The following SNX19 variants were observed in gnomAD, a reference collection of about 807,000 sequenced individuals.
SNX19 encodes sorting nexin 19, also known as sorting nexin-19.
A neutral mutation model predicts 85.2 loss-of-function variants in SNX19; 60 were observed. That is an observed-to-expected ratio of 0.70 (90% confidence interval 0.57 to 0.87). SNX19 has a LOEUF of 0.87. Among genes scored for constraint, SNX19 ranks in the 40% least tolerant of loss-of-function variants. SNX19 has a pLI of 0.00. For missense variants in SNX19, 1,201 were observed against 1,217.8 expected (o/e 0.99, Z 0.21); for synonymous variants, 520 against 470.0 (o/e 1.11, Z -1.38).
chr11:130,881,019 AC>A, intron 8 of SNX19: 1 of 377,874 alleles, frequency 2.6e-6, no homozygotes. Flanking sequence ...GAGACTTCTC[AC>A]CCCTTTTGCC....
chr11:130,910,480 T>A, intron 2 of SNX19, 110 bp from the exon 3 acceptor site: 3 of 816,014 alleles, frequency 3.7e-6, no homozygotes, highest in South Asian at 3.8e-5. Flanking sequence ...TTCCTTGGAT[T>A]AAAAAAAACA....
chr11:130,913,448 T>C (rs1213148328), intron 1 of SNX19, among the ~76,000 whole-genome samples: 1 of 152,208 alleles, frequency 6.6e-6, no homozygotes, highest in African/African-American at 2.4e-5. Context: ...TAATGTTACT[T>C]TCTAAAATGC....
At position 130,870,881 on chromosome 11, in the gene SNX19, G is replaced by A. The variant is rs566174476; in HGVS notation, c.*7541C>T. On this transcript the variant is annotated 3_prime_UTR_variant, in exon 11 of 11. Coordinates refer to ENST00000265909, the MANE Select transcript of SNX19 (RefSeq NM_014758.3). ...AAAAAAGATAAAAGATATGTTCGTT[G>A]CCCTTGAAGAATTATAGTCTCTTAC... is the stretch of plus-strand genomic sequence containing the variant. Among the ~76,000 whole-genome samples the A allele has an allele frequency of 1.3e-5, 2 of 152,106 alleles. No homozygotes were observed. The highest frequency in any genetic ancestry group is 4.1e-4 in the South Asian group (2 of 4,822).
At chr11:130,888,926 G>A (rs985773666) in intron 8 of SNX19, among the ~76,000 whole-genome samples, 1 of 151,978 alleles carries the variant, frequency 6.6e-6, no homozygotes, top group Non-Finnish European at 1.5e-5. Flanking sequence ...TTCTTGCTAG[G>A]CCATTTTCCT....
chr11:130,876,762 T>G lies in SNX19; in HGVS notation c.*1660A>C, dbSNP rs191641943. ...CGGAAAGTAGAGATGCTGAGCTACCTTTTCTTGTCAAAGTCTAGGGCTGGA... is the reference window on the plus strand; with the variant it reads ...CGGAAAGTAGAGATGCTGAGCTACCGTTTCTTGTCAAAGTCTAGGGCTGGA... On this transcript the variant is annotated 3_prime_UTR_variant, in exon 11 of 11. Transcript: ENST00000265909. The G allele has an allele frequency of 1.6e-4, 25 of 152,848 alleles. No homozygotes were observed. In the East Asian group the frequency reaches 4.8e-3, roughly 29 times the overall value. 9.5% of individuals were successfully genotyped at this position (152,848 alleles called of 1,614,324 possible). A position where few individuals can be genotyped will look rare whatever the true frequency, so the allele number is the denominator to read the frequency against.
In SNX19 at chr11:130,914,337, T is replaced by C. The variant is rs754633015; in HGVS notation, c.1603A>G (p.Ile535Val). The C allele has an allele frequency of 5.6e-5, 90 of 1,613,052 alleles. No individual in the cohort carries two copies. Among genetic ancestry groups the C allele is most frequent in the Non-Finnish European group, 7.5e-5 (89 of 1,179,542 alleles). ...TCTCGGGCTGTAATGGTGCCAGTGA[T>C]ACGAAGGTTCTGGATGATAACTGGA... ...DGPVIIQNLRITGTITAREHS... is the reference protein window; with the variant it reads ...DGPVIIQNLRVTGTITAREHS... The change falls in exon 1 of 11, where the codon ATC (isoleucine) becomes GTC (valine). Residue 535 changes from isoleucine (I) to valine (V), a missense_variant. This residue lies in a region of SNX19 where 791 missense variants were observed against 750.9 expected (regional missense o/e 1.05). Coordinates refer to ENST00000265909, the MANE Select transcript of SNX19 (RefSeq NM_014758.3).
At chr11:130,905,748 C>T (rs1230839548) in intron 7 of SNX19, 3 of 1,536,916 alleles carry the variant, frequency 2.0e-6, no homozygotes, top group African/African-American at 2.7e-5. Flanking sequence ...TGTTTGTGCC[C>T]TGTTCTGCTG....
At chr11:130,880,990 T>C in intron 8 of SNX19, 184 bp from the exon 9 acceptor site, 2 of 418,244 alleles carry the variant, frequency 4.8e-6, no homozygotes, top group Non-Finnish European at 8.5e-6. Context: ...GTAAATGCCC[T>C]TATAAAAGAA....
In SNX19 at chr11:130,867,725, C is replaced by T. The variant is rs1027495103; in HGVS notation, c.*10697G>A. On this transcript the variant is annotated 3_prime_UTR_variant, in exon 11 of 11. Transcript: ENST00000265909. ...AACATGGAGACCATCATCGTTGTTC[C>T]GGAATCTGGCCATGTGCTAAGAGAC... The T allele has an allele frequency of 9.2e-5, 14 of 152,122 alleles. No homozygotes were observed. The highest frequency in any genetic ancestry group is 4.1e-4 in the South Asian group (2 of 4,824). The allele number at this position is 152,122 out of a possible 1,614,324, so 9.4% of individuals were successfully genotyped here.
At chr11:130,884,521 C>A (rs1943907095) in intron 8 of SNX19, among the ~76,000 whole-genome samples, 1 of 152,086 alleles carries the variant, frequency 6.6e-6, no homozygotes, top group Admixed American at 6.5e-5. Context: ...TGACAGAAAT[C>A]TAAAGCTTCA....
At position 130,914,752 on chromosome 11, in the gene SNX19, G is replaced by C. The variant is rs1050081; in HGVS notation, c.1188C>G (p.Asp396Glu). The change falls in exon 1 of 11, where the codon GAC becomes GAG. Residue 396 changes from aspartate to glutamate, a missense_variant. Coordinates refer to ENST00000265909, the MANE Select transcript of SNX19 (RefSeq NM_014758.3). ...GGGCACACAGGGCATCCTGAATCCT[G>C]TCAGAGAGAAAGCTGCCTGGAGTCA... ...MLMTPGSFLS[D>E]RIQDALCALE... is the part of the protein sequence containing the mutation. 306,795 of 1,613,538 alleles carry C rather than the reference G, an allele frequency of 0.19. 30,647 individuals carry two copies. Among genetic ancestry groups the C allele is most frequent in the Middle Eastern group, 0.21 (1,252 of 6,058 alleles).
chr11:130,887,552 A>G (rs1032009069), intron 8 of SNX19, among the ~76,000 whole-genome samples: 10 of 152,222 alleles, frequency 6.6e-5, no homozygotes, highest in Non-Finnish European at 1.2e-4. Context: ...ATGTGACCTC[A>G]GGCAAGTGGC....
At chr11:130,909,157 G>A (rs11222385) in intron 4 of SNX19, among the ~76,000 whole-genome samples, 23,539 of 152,216 alleles carry the variant, frequency 0.15, 2,098 homozygotes, top group Middle Eastern at 0.24. Context: ...AACAGCAGCT[G>A]GTAGAGTGTC....
chr11:130,882,929 AT>A (rs1943783821), intron 8 of SNX19, among the ~76,000 whole-genome samples: 1 of 152,336 alleles, frequency 6.6e-6, no homozygotes, highest in South Asian at 2.1e-4. Context: ...TAGACTGAAC[AT>A]GTTGTAACAT....
At chr11:130,888,933 T>C (rs1016435196) in intron 8 of SNX19, among the ~76,000 whole-genome samples, 9 of 152,196 alleles carry the variant, frequency 5.9e-5, no homozygotes, top group Non-Finnish European at 5.9e-5. Flanking sequence ...TAGGCCATTT[T>C]CCTTGACAAA....
At chr11:130,911,439 G>A (rs1946115330) in intron 2 of SNX19, 194 bp downstream of exon 2, 6 of 1,396,200 alleles carry the variant, frequency 4.3e-6, no homozygotes, top group Non-Finnish European at 4.7e-6. Flanking sequence ...GCAGTTGGCA[G>A]TAAAGGACTA....
intron 8 of SNX19, among the ~76,000 whole-genome samples, chr11:130,891,389 G>A (rs1944483414): frequency 6.6e-6 from 1 of 152,184 alleles, no homozygotes; most frequent in African/African-American, 2.4e-5. Flanking sequence ...GAGCTGGAAG[G>A]CAAGGGAGTG....
intron 8 of SNX19, among the ~76,000 whole-genome samples, chr11:130,883,578 T>C (rs1233053415): frequency 6.6e-6 from 1 of 152,194 alleles, no homozygotes; most frequent in Admixed American, 6.5e-5. Context: ...ACTCTGAAGA[T>C]AAAAGACACA....
intron 1 of SNX19, among the ~76,000 whole-genome samples, chr11:130,913,108 A>G (rs1160454064): frequency 6.6e-6 from 1 of 152,188 alleles, no homozygotes; most frequent in African/African-American, 2.4e-5. Flanking sequence ...GGGAACTTAA[A>G]CATTCTATCC....
Sources: gnomAD v4.1 joint callset for allele counts (sites outside exome capture counted in the v4.1 genomes callset) on GRCh38, gnomAD v4.1.1 for gene constraint, gnomAD v4.1.1 regional missense constraint, MANE v1.5 for transcripts, NCBI Gene and HGNC (gene_info 2026-07-23, HGNC 2026-07-21) for gene names.